IQSEC1: variants seen among roughly 807,000 people sequenced by gnomAD.
The protein encoded by IQSEC1 is IQ motif and SEC7 domain-containing protein 1.
Under a neutral mutation model 91.0 loss-of-function variants are expected in IQSEC1, and 31 were observed. The ratio of observed to expected loss-of-function variants is 0.34; its 90% CI spans 0.26 to 0.46. IQSEC1 has a LOEUF of 0.46. Among genes scored for constraint, IQSEC1 ranks in the 20% least tolerant of loss-of-function variants. The pLI, the probability that IQSEC1 is intolerant of heterozygous loss-of-function variation, is 1.00. For missense variants in IQSEC1, 1,388 were observed against 1,575.6 expected (o/e 0.88, Z 2.02); for synonymous variants, 699 against 662.6 (o/e 1.05, Z -0.84).
intron 2 of IQSEC1, among the ~76,000 whole-genome samples, chr3:13,135,862 G>A (rs747516419): frequency 1.6e-4 from 24 of 152,212 alleles, no homozygotes; most frequent in Non-Finnish European, 2.8e-4. Context: ...CCAGCCCCAG[G>A]AGCCAGGTCT....
In IQSEC1 at chr3:12,900,367, T is replaced by C. The variant is rs565068057; in HGVS notation, c.*616A>G. On this transcript the variant is annotated 3_prime_UTR_variant, in exon 14 of 14. Coordinates refer to ENST00000613206, the MANE Select transcript of IQSEC1 (RefSeq NM_001134382.3). ...CCCAGCTAAGGTACTGTCTTCCTATTAGGTAAGTGGAGCTCCTTGTAAGGT... is the reference window on the plus strand; with the variant it reads ...CCCAGCTAAGGTACTGTCTTCCTATCAGGTAAGTGGAGCTCCTTGTAAGGT... 5 of 984,878 alleles carry C rather than the reference T, an allele frequency of 5.1e-6. No homozygotes were observed. The highest frequency in any genetic ancestry group is 1.7e-5 in the African/African-American group (1 of 57,202). 61.0% of individuals were successfully genotyped at this position (984,878 alleles called of 1,614,324 possible).
At chr3:13,188,731 G>A (rs1693972714) in intron 1 of IQSEC1, among the ~76,000 whole-genome samples, 1 of 152,314 alleles carries the variant, frequency 6.6e-6, no homozygotes, top group Non-Finnish European at 1.5e-5. Flanking sequence ...TTTCACCGCA[G>A]GCCTGGAGCT....
At chr3:12,950,438 T>C (rs79693438) in intron 1 of IQSEC1, among the ~76,000 whole-genome samples, 1,535 of 152,184 alleles carry the variant, frequency 0.01, 26 homozygotes, top group African/African-American at 0.035. Flanking sequence ...GAGGCCGAGG[T>C]GGGACACTGC....
chr3:13,081,588 A>G (rs984707780), intron 2 of IQSEC1, among the ~76,000 whole-genome samples: 1 of 152,224 alleles, frequency 6.6e-6, no homozygotes, highest in African/African-American at 2.4e-5. Flanking sequence ...TTTATTTTTC[A>G]AAGTTTCTAC....
rs900602411 is a variant in IQSEC1, at chr3:12,897,917, A to G, written c.*3066T>C. The G allele has an allele frequency of 6.6e-6, 1 of 152,244 alleles. No individual in the cohort carries two copies. The highest frequency in any genetic ancestry group is 1.5e-5 in the Non-Finnish European group (1 of 68,048). The allele number at this position is 152,244 out of a possible 1,614,324, so 9.4% of individuals were successfully genotyped here. On this transcript the variant is annotated 3_prime_UTR_variant, in exon 14 of 14. Transcript: ENST00000613206. ...GAACTTTATTTTTACATTGTTGTAC[A>G]ATTCATTGGTAAACTTAAAAAAATA...
At chr3:13,065,718 G>A (rs1258289415) in intron 1 of IQSEC1, among the ~76,000 whole-genome samples, 1 of 152,196 alleles carries the variant, frequency 6.6e-6, no homozygotes, top group Non-Finnish European at 1.5e-5. Flanking sequence ...ATCTGACCCA[G>A]CAATCCCACT....
At chr3:12,953,276 G>A (rs1212380088) in intron 1 of IQSEC1, among the ~76,000 whole-genome samples, 5 of 152,242 alleles carry the variant, frequency 3.3e-5, no homozygotes, top group South Asian at 2.1e-4. Context: ...TGGAACTGCC[G>A]GGGCAGCCCG....
At position 13,276,278 on chromosome 3, in the gene IQSEC1, C is replaced by T. The variant is rs369406261; in HGVS notation, c.272+6433G>A. On this transcript the variant is annotated intron_variant, in intron 1 of 15. Coordinates refer to the IQSEC1 transcript ENST00000648114. ...TAATTTTTTGTATTTTTAGTAGAGA[C>T]GGGGTTTCACCGTGTCAGCCAGGAT... 5.3e-5 allele frequency among the ~76,000 whole-genome samples: 8 copies of T among 151,832 alleles called. No homozygotes were observed. In the East Asian group the frequency reaches 1.2e-3, roughly 22 times the overall value.
chr3:12,942,470 G>T (rs1462657940), intron 1 of IQSEC1, among the ~76,000 whole-genome samples: 1 of 152,108 alleles, frequency 6.6e-6, no homozygotes, highest in African/African-American at 2.4e-5. Flanking sequence ...GGGCGTGGTG[G>T]TGGTCGCCTG....
intron 12 of IQSEC1, among the ~76,000 whole-genome samples, chr3:12,905,730 G>A (rs927080419): frequency 1.3e-5 from 2 of 152,254 alleles, no homozygotes; most frequent in African/African-American, 4.8e-5. Flanking sequence ...ACTGGTGCCT[G>A]TCACTGCTCC....
chr3:12,989,012 C>T (rs929707451), intron 1 of IQSEC1, among the ~76,000 whole-genome samples: 1 of 152,240 alleles, frequency 6.6e-6, no homozygotes, highest in Non-Finnish European at 1.5e-5. Context: ...AGGGCCAAGA[C>T]TAGAATCTAG....
rs747662513 is a variant in IQSEC1, at chr3:12,935,811, C to T, written c.1205G>A (p.Gly402Asp). ...GCTGTGGGGACCATGCTTGGGACTG[C>T]CCTGCTGCCCGCCAAGGCTGCGCTC... Reference protein sequence around the residue: ...AYERSLGGQQGSPKHGPHSGA... With the variant: ...AYERSLGGQQDSPKHGPHSGA... Residue 402 changes from glycine to aspartate, a missense_variant, in exon 3 of 14, where the codon GGC (glycine) becomes GAC (aspartate). Gly to Asp is a moderately conservative substitution (Grantham distance 94). Around this residue, in one of 2 missense-constraint regions of IQSEC1, gnomAD observed 1,059 missense variants for 1,317.8 expected, o/e 0.80. Coordinates refer to ENST00000613206, the MANE Select transcript of IQSEC1 (RefSeq NM_001134382.3). The surrounding 1 kb of genome is among the most constrained non-coding windows in gnomAD (Gnocchi z 8.0). 3 of 1,607,924 alleles carry T rather than the reference C, an allele frequency of 1.9e-6. No individual in the cohort carries two copies. The South Asian group carries it at 3.3e-5, about 18-fold the overall frequency.
In IQSEC1 at chr3:13,103,722, C is replaced by A. The variant is rs990067603; in HGVS notation, c.303-56200G>T. Among the ~76,000 whole-genome samples the A allele has an allele frequency of 3.9e-5, 6 of 152,078 alleles. No individual in the cohort carries two copies. Among genetic ancestry groups the A allele is most frequent in the Non-Finnish European group, 7.4e-5 (5 of 68,004 alleles). Reference sequence around the variant, plus strand: ...AGCAGGGGAAGGTTGGAGGCCTGACCCCCAGAGGGTGCGCCTCCTACCCCT... The same window carrying A: ...AGCAGGGGAAGGTTGGAGGCCTGACACCCAGAGGGTGCGCCTCCTACCCCT... On this transcript the variant is annotated intron_variant, in intron 2 of 15. Coordinates refer to the IQSEC1 transcript ENST00000648114. The surrounding 1 kb of genome is among the most constrained non-coding windows in gnomAD (Gnocchi z 4.1).
intron 1 of IQSEC1, among the ~76,000 whole-genome samples, chr3:12,991,720 C>T (rs1408056252): frequency 1.3e-5 from 2 of 152,178 alleles, no homozygotes; most frequent in African/African-American, 4.8e-5. Flanking sequence ...GTGCTTAGGT[C>T]CACCCCTTAT....
rs1475810050 is a variant in IQSEC1, at chr3:13,199,885, C to T, written c.273-35752G>A. On this transcript the variant is annotated intron_variant, in intron 1 of 15. Transcript: ENST00000648114. ...ACCACACACATATGCCACACACACA[C>T]ACCACACACACACACAACAAACAGA... is the stretch of plus-strand genomic sequence containing the variant. Among the ~76,000 whole-genome samples, 3 of 151,584 alleles carry T rather than the reference C, an allele frequency of 2.0e-5. 1 individual carries two copies. Among genetic ancestry groups the T allele is most frequent in the Admixed American group, 1.3e-4 (2 of 15,232 alleles).
chr3:13,158,961 C>CA (rs35652080), intron 2 of IQSEC1, among the ~76,000 whole-genome samples: 4,488 of 140,686 alleles, frequency 0.032, 203 homozygotes, highest in African/African-American at 0.1. Context: ...GACTCGGTCT[C>CA]AAAAAAAAAA....
chr3:13,200,402 C>G (rs1410132378), intron 1 of IQSEC1, among the ~76,000 whole-genome samples: 1 of 152,200 alleles, frequency 6.6e-6, no homozygotes, highest in Admixed American at 6.5e-5. Flanking sequence ...TCGACTTGAG[C>G]GGCCTCTCCA....
chr3:13,060,611 G>A (rs1180642415), intron 1 of IQSEC1, among the ~76,000 whole-genome samples: 1 of 152,246 alleles, frequency 6.6e-6, no homozygotes, highest in African/African-American at 2.4e-5. Context: ...AAGGCTGGAT[G>A]ACGGGCCTAG....
intron 1 of IQSEC1, among the ~76,000 whole-genome samples, chr3:13,174,838 C>T (rs60840592): frequency 9.5e-5 from 8 of 83,872 alleles, no homozygotes; most frequent in African/African-American, 3.2e-4. Context: ...TCTGCTCCCC[C>T]CCCCCACCTC....
Sources: gnomAD v4.1 joint callset for allele counts (sites outside exome capture counted in the v4.1 genomes callset) on GRCh38, gnomAD v4.1.1 for gene constraint, gnomAD v4.1.1 regional missense constraint, Gnocchi (gnomAD v3.1) non-coding constraint, MANE v1.5 for transcripts, NCBI Gene and HGNC (gene_info 2026-07-23, HGNC 2026-07-21) for gene names.